Variants in ZBTB5 observed in about 807,000 individuals in gnomAD.
The protein encoded by ZBTB5 is zinc finger and BTB domain containing 5.
ZBTB5 carries 15 observed loss-of-function variants against 37.9 expected under a neutral mutation model. That is an observed-to-expected ratio of 0.40 (90% CI 0.26 to 0.61). The LOEUF (loss-of-function observed/expected upper bound fraction) is 0.61, where lower values mean the gene tolerates loss of function less well. Among genes scored for constraint, ZBTB5 ranks in the 20% least tolerant of loss-of-function variants. The pLI, the probability that ZBTB5 is intolerant of heterozygous loss-of-function variation, is 0.47. For missense variants in ZBTB5, 708 were observed against 856.8 expected (o/e 0.83, Z 2.17); for synonymous variants, 315 against 312.4 (o/e 1.01, Z -0.09).
chr9:37,442,750 G>A (rs1198322120), intron 1 of ZBTB5, among the ~76,000 whole-genome samples, 195 bp from the exon 2 acceptor site: 3 of 152,136 alleles, frequency 2.0e-5, no homozygotes, highest in Non-Finnish European at 4.4e-5. Context: ...CAGCCCAGGA[G>A]GCATGCACAC....
At chr9:37,450,397 G>A (rs1022474394) in intron 1 of ZBTB5, among the ~76,000 whole-genome samples, 1 of 152,098 alleles carries the variant, frequency 6.6e-6, no homozygotes, top group Non-Finnish European at 1.5e-5. Context: ...GGCCCATACA[G>A]GTCACTGGAC....
In ZBTB5 at chr9:37,441,446, TCTATCTTCTCGGCACTGACCACA is replaced by T; in HGVS notation, c.1083_1105del (p.Val362ProfsTer4). 6.2e-7 allele frequency: 1 copy of T among 1,613,382 alleles called. No homozygotes were observed. Among genetic ancestry groups the T allele is most frequent in the Non-Finnish European group, 8.5e-7 (1 of 1,179,878 alleles). On this transcript the variant is annotated frameshift_variant, in exon 2 of 2. Coordinates refer to ENST00000307750, the MANE Select transcript of ZBTB5 (RefSeq NM_014872.3). LOFTEE classifies it high-confidence loss of function. ...CCGATCACTGCTTTCAGGGCTGAGG[TCTATCTTCTCGGCACTGACCACA>T]ACTCCTTCCACTTCCACAGACTCGC... is the stretch of plus-strand genomic sequence containing the variant.
intron 1 of ZBTB5, among the ~76,000 whole-genome samples, chr9:37,458,333 G>A (rs1271661701): frequency 2.6e-5 from 4 of 152,226 alleles, no homozygotes; most frequent in African/African-American, 4.8e-5. Context: ...AAAATGGGAA[G>A]TACACCTGAA....
intron 1 of ZBTB5, among the ~76,000 whole-genome samples, chr9:37,464,687 T>C (rs1161311247): frequency 1.3e-5 from 2 of 152,238 alleles, no homozygotes. Flanking sequence ...ATTCAATAAA[T>C]GCCTATTAAA....
chr9:37,451,427 G>A lies in ZBTB5; in HGVS notation c.-4-8872C>T, dbSNP rs149054269. ...ACAAAAATTAGCTGGGTGTGGTGGC[G>A]CAGGCCTGTAATCCCAGTTATTTGG... On this transcript the variant is annotated intron_variant, in intron 1 of 1. Coordinates refer to ENST00000307750, the MANE Select transcript of ZBTB5 (RefSeq NM_014872.3). Among the ~76,000 whole-genome samples the A allele has an allele frequency of 7.0e-3, 1,055 of 151,796 alleles. 7 individuals carry two copies. Among genetic ancestry groups the A allele is most frequent in the African/African-American group, 0.012 (491 of 41,376 alleles).
intron 1 of ZBTB5, among the ~76,000 whole-genome samples, chr9:37,459,728 T>C (rs1451108990): frequency 2.0e-5 from 3 of 147,906 alleles, no homozygotes; most frequent in South Asian, 2.2e-4. Flanking sequence ...TTTTTTTTTT[T>C]TGAAATGAGT....
At chr9:37,447,078 C>T (rs1205312616) in intron 1 of ZBTB5, among the ~76,000 whole-genome samples, 2 of 152,174 alleles carry the variant, frequency 1.3e-5, no homozygotes, top group African/African-American at 4.8e-5. Flanking sequence ...TAAAGAAATA[C>T]CCAAGACTGG....
At chr9:37,455,365 C>T (rs549619618) in intron 1 of ZBTB5, among the ~76,000 whole-genome samples, 2 of 152,322 alleles carry the variant, frequency 1.3e-5, no homozygotes, top group East Asian at 3.9e-4. Context: ...AGAGCCACCT[C>T]CATCATCCAA....
rs748818360 is a variant in ZBTB5, at chr9:37,441,923, T to C, written c.629A>G (p.Asp210Gly). 4 of 1,613,984 alleles carry C rather than the reference T, an allele frequency of 2.5e-6. No homozygotes were observed. The highest frequency in any genetic ancestry group is 1.3e-5 in the African/African-American group (1 of 74,926). The change falls in exon 2 of 2, where the codon GAT becomes GGT. Residue 210 changes from aspartate to glycine, a missense_variant. This residue lies in a region of ZBTB5 where 639 missense variants were observed against 690.5 expected (regional missense o/e 0.93). Transcript: ENST00000307750. The part of the protein sequence containing the change: ...RARQRLRPSI[D>G]ESAISDVTPE... ...TGTAACATCTGAAATGGCAGACTCA[T>C]CTATGGAGGGTCGGAGGCGCTGCCT...
chr9:37,446,098 C>G (rs1362481918), intron 1 of ZBTB5, among the ~76,000 whole-genome samples: 1 of 152,080 alleles, frequency 6.6e-6, no homozygotes, highest in Non-Finnish European at 1.5e-5. Context: ...CAGAGCAAGT[C>G]TCTGTCTCAA....
Position 37,438,893 on chromosome 9 carries a change from T to A in ZBTB5, c.*1625A>T, listed in dbSNP as rs558142578. The stretch of plus-strand genomic sequence containing the variant: ...GCTTTTCTTCCTGGGAATCAGTCCA[T>A]GGGAGATGCCAAGCGCCCCTGGAAC... On this transcript the variant is annotated 3_prime_UTR_variant, in exon 2 of 2. Transcript: ENST00000307750. 1.3e-5 allele frequency: 2 copies of A among 152,210 alleles called. No homozygotes were observed. Among genetic ancestry groups the A allele is most frequent in the African/African-American group, 4.8e-5 (2 of 41,450 alleles). The allele number at this position is 152,210 out of a possible 1,614,324, so 9.4% of individuals were successfully genotyped here. A position where few individuals can be genotyped will look rare whatever the true frequency, so the allele number is the denominator to read the frequency against.
intron 1 of ZBTB5, among the ~76,000 whole-genome samples, chr9:37,453,346 G>A (rs1228622215): frequency 1.3e-5 from 2 of 151,252 alleles, no homozygotes; most frequent in Admixed American, 6.6e-5. Flanking sequence ...ACCACCACAC[G>A]CAGCTTTTTT....
intron 1 of ZBTB5, 114 bp downstream of exon 1, chr9:37,465,101 G>A (rs73437258): frequency 0.061 from 9,311 of 152,404 alleles, 341 homozygotes; most frequent in African/African-American, 0.11. Context: ...GAGTAGTCCG[G>A]GGGCACCAGT....
chr9:37,440,833 A>ATTTTCAAATGAGGAC lies in ZBTB5; in HGVS notation c.1704_1718dup (p.Glu572_Asn573insLysSerSerPheGlu), dbSNP rs765974141. 4 of 1,614,184 alleles carry ATTTTCAAATGAGGAC rather than the reference A, an allele frequency of 2.5e-6. No homozygotes were observed. In the South Asian group the frequency reaches 4.4e-5, roughly 18 times the overall value. ...GAGGGCCAGGCTGGGAAGGATGGCC[A>ATTTTCAAATGAGGAC]TTTTCAAATGAGGACGTAGCTCCAT... On this transcript the variant is annotated inframe_insertion, in exon 2 of 2. Coordinates refer to ENST00000307750, the MANE Select transcript of ZBTB5 (RefSeq NM_014872.3).
At chr9:37,453,839 ACC>A (rs1824143211) in intron 1 of ZBTB5, among the ~76,000 whole-genome samples, 2 of 152,200 alleles carry the variant, frequency 1.3e-5, no homozygotes, top group Admixed American at 6.5e-5. Context: ...GACTATCTCA[ACC>A]CAGATTACAA....
intron 1 of ZBTB5, among the ~76,000 whole-genome samples, chr9:37,449,026 G>A (rs186915323): frequency 6.6e-6 from 1 of 151,970 alleles, no homozygotes; most frequent in Middle Eastern, 3.2e-3. Flanking sequence ...CCTGGTGACA[G>A]AGCGAGACTC....
Position 37,438,738 on chromosome 9 carries a change from GCCT to G in ZBTB5, c.*1777_*1779del, listed in dbSNP as rs1269611644. On this transcript the variant is annotated 3_prime_UTR_variant, in exon 2 of 2. Coordinates refer to ENST00000307750, the MANE Select transcript of ZBTB5 (RefSeq NM_014872.3). ...ACATCATGTAAAGGGTGGATGGGGAGCCTCCTAACACCATGTCAACATGACTGC... is the reference window on the plus strand; with the variant it reads ...ACATCATGTAAAGGGTGGATGGGGAGCCTAACACCATGTCAACATGACTGC... 1 of 152,246 alleles carries G rather than the reference GCCT, an allele frequency of 6.6e-6. No individual in the cohort carries two copies. Among genetic ancestry groups the G allele is most frequent in the Non-Finnish European group, 1.5e-5 (1 of 68,060 alleles). 9.4% of individuals were successfully genotyped at this position (152,246 alleles called of 1,614,324 possible).
intron 1 of ZBTB5, among the ~76,000 whole-genome samples, chr9:37,462,013 A>C (rs1314546627): frequency 6.6e-6 from 1 of 152,184 alleles, no homozygotes; most frequent in African/African-American, 2.4e-5. Flanking sequence ...AAGTCTCTTT[A>C]TGGGGGATAG....
intron 1 of ZBTB5, among the ~76,000 whole-genome samples, chr9:37,460,702 AC>A (rs879578396): frequency 6.6e-6 from 1 of 151,258 alleles, no homozygotes; most frequent in African/African-American, 2.4e-5. Flanking sequence ...CCCCACCTCC[AC>A]AAAAAATACA....
Sources: allele counts gnomAD v4.1 joint callset (sites outside exome capture counted in the v4.1 genomes callset), GRCh38; gene constraint gnomAD v4.1.1; regional missense constraint gnomAD v4.1.1; transcripts MANE v1.5; gene names NCBI Gene and HGNC (gene_info 2026-07-23, HGNC 2026-07-21).